The following HSD17B12 variants were observed in gnomAD, a reference collection of about 807,000 sequenced individuals.
HSD17B12 encodes the protein hydroxysteroid 17-beta dehydrogenase 12.
In HSD17B12, 32 loss-of-function variants were observed where a neutral mutation model predicts 39.3. That is an observed-to-expected ratio of 0.81 (90% CI 0.61 to 1.09). The LOEUF is 1.09. Ranked by LOEUF, HSD17B12 falls within the 50% of genes least tolerant of loss-of-function variation. The pLI is 0.00. For missense variants in HSD17B12, 342 were observed against 382.9 expected (o/e 0.89, Z 0.89); for synonymous variants, 150 against 146.7 (o/e 1.02, Z -0.16).
chr11:43,778,260 A>G (rs1243319331), intron 3 of HSD17B12, among the ~76,000 whole-genome samples: 2 of 152,240 alleles, frequency 1.3e-5, no homozygotes, highest in East Asian at 1.9e-4. Context: ...TCCTCGACAC[A>G]TACACTCTCC....
chr11:43,740,905 G>GCTT (rs948664096), intron 1 of HSD17B12, among the ~76,000 whole-genome samples: 4 of 152,230 alleles, frequency 2.6e-5, no homozygotes, highest in African/African-American at 9.6e-5. Flanking sequence ...GCAACCAGCA[G>GCTT]GCTCTGGCCC....
At chr11:43,776,024 G>T (rs1950699718) in intron 3 of HSD17B12, among the ~76,000 whole-genome samples, 1 of 152,136 alleles carries the variant, frequency 6.6e-6, no homozygotes, top group Non-Finnish European at 1.5e-5. Flanking sequence ...ATTTGGGTTG[G>T]TTCCAAGTCT....
At chr11:43,787,491 C>T (rs908680406) in intron 3 of HSD17B12, among the ~76,000 whole-genome samples, 4 of 151,998 alleles carry the variant, frequency 2.6e-5, no homozygotes, top group East Asian at 1.9e-4. Flanking sequence ...AATCCCAACA[C>T]TGTGGGAGGC....
chr11:43,707,129 T>C (rs921646189), intron 1 of HSD17B12, among the ~76,000 whole-genome samples: 1 of 152,174 alleles, frequency 6.6e-6, no homozygotes, highest in Non-Finnish European at 1.5e-5. Flanking sequence ...ACTGATTCAA[T>C]AAATTAATTG....
At chr11:43,690,404 A>ATATATATTTTTT (rs1554959942) in intron 1 of HSD17B12, among the ~76,000 whole-genome samples, 1 of 24,960 alleles carries the variant, frequency 4.0e-5, no homozygotes, top group Non-Finnish European at 6.9e-5. Context: ...ATATATATAT[A>ATATATATTTTTT]TTTTTTTTTT....
intron 4 of HSD17B12, among the ~76,000 whole-genome samples, chr11:43,799,523 T>C (rs2135047309): frequency 6.6e-6 from 1 of 152,272 alleles, no homozygotes; most frequent in South Asian, 2.1e-4. Flanking sequence ...AAAATGGGCT[T>C]TGTTAACTTT....
the HSD17B12 span, among the ~76,000 whole-genome samples, chr11:43,636,562 G>C: frequency 6.6e-6 from 1 of 151,818 alleles, no homozygotes; most frequent in Non-Finnish European, 1.5e-5. Flanking sequence ...AACAGAAATA[G>C]GATATATTAC....
intron 6 of HSD17B12, among the ~76,000 whole-genome samples, chr11:43,820,933 A>G (rs1951176373): frequency 6.6e-6 from 1 of 152,252 alleles, no homozygotes; most frequent in African/African-American, 2.4e-5. Flanking sequence ...TCAGTAGGTC[A>G]GATGATTGTA....
At chr11:43,847,441 A>G (rs1324890788) in intron 9 of HSD17B12, among the ~76,000 whole-genome samples, 1 of 152,216 alleles carries the variant, frequency 6.6e-6, no homozygotes, top group Non-Finnish European at 1.5e-5. Context: ...ACGGTGGCTC[A>G]CGCCTATAAT....
chr11:43,605,360 G>A, the HSD17B12 span, among the ~76,000 whole-genome samples: 4 of 151,908 alleles, frequency 2.6e-5, no homozygotes, highest in South Asian at 2.1e-4. Context: ...TCAGGAGTTC[G>A]AGATCAGCCT....
chr11:43,562,854 T>C, the HSD17B12 span, among the ~76,000 whole-genome samples: 1 of 152,172 alleles, frequency 6.6e-6, no homozygotes, highest in African/African-American at 2.4e-5. Context: ...GTCCCAGAAG[T>C]TCCCAACTTC....
chr11:43,828,353 G>A (rs1215655963), intron 6 of HSD17B12, among the ~76,000 whole-genome samples: 1 of 56,798 alleles, frequency 1.8e-5, no homozygotes, highest in African/African-American at 6.4e-5. Context: ...CGTTTTAGCC[G>A]GGATGGTCTC....
At chr11:43,604,139 T>C in the HSD17B12 span, among the ~76,000 whole-genome samples, 1 of 152,328 alleles carries the variant, frequency 6.6e-6, no homozygotes, top group Non-Finnish European at 1.5e-5. Flanking sequence ...ATTTACCTTA[T>C]AATATGCACT....
chr11:43,749,049 C>T (rs766056091), intron 1 of HSD17B12, among the ~76,000 whole-genome samples: 11 of 152,154 alleles, frequency 7.2e-5, no homozygotes, highest in Non-Finnish European at 1.3e-4. Flanking sequence ...GATAACCAGA[C>T]ATATGCTTCC....
chr11:43,663,840 ATTTTTATTTTTTTAT>A, the HSD17B12 span, among the ~76,000 whole-genome samples: 1 of 151,610 alleles, frequency 6.6e-6, no homozygotes, highest in African/African-American at 2.4e-5. Flanking sequence ...AAGGGTTTTT[ATTTTTATTTTTTTAT>A]TTTTTATTTT....
intron 1 of HSD17B12, among the ~76,000 whole-genome samples, chr11:43,709,746 T>C (rs1950047823): frequency 6.6e-6 from 1 of 152,180 alleles, no homozygotes; most frequent in Non-Finnish European, 1.5e-5. Flanking sequence ...TTCAAATCAT[T>C]CAGAAAACTA....
the HSD17B12 span, among the ~76,000 whole-genome samples, chr11:43,648,489 G>C: frequency 6.6e-6 from 1 of 152,070 alleles, no homozygotes; most frequent in Non-Finnish European, 1.5e-5. Flanking sequence ...ACAATGAAGA[G>C]AGATGCATGA....
chr11:43,777,209 T>G (rs1177244782), intron 3 of HSD17B12, among the ~76,000 whole-genome samples: 2 of 152,184 alleles, frequency 1.3e-5, no homozygotes, highest in Non-Finnish European at 2.9e-5. Context: ...TATGGCCATT[T>G]TCACGATATT....
the HSD17B12 span, among the ~76,000 whole-genome samples, chr11:43,573,844 T>C: frequency 6.6e-6 from 1 of 152,200 alleles, no homozygotes; most frequent in Non-Finnish European, 1.5e-5. Context: ...TAAAAACATG[T>C]TTAGCCTGAC....
Sources: allele counts gnomAD v4.1 joint callset (sites outside exome capture counted in the v4.1 genomes callset), GRCh38; gene constraint gnomAD v4.1.1; transcripts MANE v1.5; gene names NCBI Gene and HGNC (gene_info 2026-07-23, HGNC 2026-07-21).